Variants in KANSL1L observed in about 807,000 individuals in gnomAD.
KANSL1L encodes KAT8 regulatory NSL complex subunit 1 like.
In KANSL1L, 25 loss-of-function variants were observed where a neutral mutation model predicts 108.6. That is an observed-to-expected ratio of 0.23 (90% CI 0.17 to 0.32). The LOEUF (loss-of-function observed/expected upper bound fraction) is 0.32, where lower values mean the gene tolerates loss of function less well. Ranked by LOEUF, KANSL1L falls within the 10% of genes least tolerant of loss-of-function variation. The pLI is 1.00. For missense variants in KANSL1L, 1,137 were observed against 1,125.7 expected (o/e 1.01, Z -0.14); for synonymous variants, 405 against 395.1 (o/e 1.03, Z -0.30).
intron 6 of KANSL1L, chr2:210,064,423 C>G (rs966266104): frequency 6.6e-6 from 1 of 152,000 alleles, no homozygotes; most frequent in South Asian, 2.1e-4. Context: ...TTTTATTAAT[C>G]CTGTCTAGCA....
intron 1 of KANSL1L, among the ~76,000 whole-genome samples, chr2:210,168,905 C>A (rs1688156089): frequency 6.6e-6 from 1 of 152,118 alleles, no homozygotes; most frequent in Non-Finnish European, 1.5e-5. Flanking sequence ...ACTAAGTGAT[C>A]TGCAGCATGT....
chr2:210,094,088 TAG>T (rs1429704365), intron 5 of KANSL1L, among the ~76,000 whole-genome samples: 1 of 152,084 alleles, frequency 6.6e-6, no homozygotes, highest in African/African-American at 2.4e-5. Flanking sequence ...TTAGTGGATA[TAG>T]AGTTTCAGTT....
At chr2:210,155,705 G>T (rs1242867294) in intron 1 of KANSL1L, among the ~76,000 whole-genome samples, 2 of 152,080 alleles carry the variant, frequency 1.3e-5, no homozygotes, top group Admixed American at 6.5e-5. Context: ...AGGCAACCCA[G>T]TACCCTTAAA....
chr2:210,108,550 G>A (rs149211187), intron 3 of KANSL1L, among the ~76,000 whole-genome samples: 280 of 152,224 alleles, frequency 1.8e-3, no homozygotes, highest in Non-Finnish European at 3.0e-3. Context: ...CAATGTAACT[G>A]CAAACCCACT....
chr2:210,145,410 C>T (rs1003032322), intron 2 of KANSL1L, among the ~76,000 whole-genome samples: 25 of 152,174 alleles, frequency 1.6e-4, no homozygotes, highest in Admixed American at 6.5e-4. Context: ...CAGGTTCCAC[C>T]ATTCCCATGT....
At chr2:210,034,801 G>C (rs984928549) in intron 8 of KANSL1L, among the ~76,000 whole-genome samples, 1 of 152,186 alleles carries the variant, frequency 6.6e-6, no homozygotes, top group East Asian at 1.9e-4. Flanking sequence ...TGGCTTGCTT[G>C]TGTGGGTTAT....
At chr2:210,088,177 A>G (rs1047665099) in intron 5 of KANSL1L, 10 of 152,198 alleles carry the variant, frequency 6.6e-5, no homozygotes, top group African/African-American at 1.9e-4. Context: ...CATGGTGGTG[A>G]ACCTGAGTTA....
chr2:210,170,250 G>C, intron 1 of KANSL1L: 2 of 490,696 alleles, frequency 4.1e-6, no homozygotes, highest in Non-Finnish European at 5.3e-6. Flanking sequence ...AAGCAAACTG[G>C]CTAAAGACGA....
chr2:210,041,070 A>G (rs570620776), intron 7 of KANSL1L, among the ~76,000 whole-genome samples: 9 of 152,332 alleles, frequency 5.9e-5, no homozygotes, highest in African/African-American at 1.9e-4. Flanking sequence ...ACCATATTAT[A>G]TATCACAATG....
In KANSL1L at chr2:210,040,543, A is replaced by T. The variant is rs765622911; in HGVS notation, c.1922-16T>A. On this transcript the variant is annotated splice_polypyrimidine_tract_variant and intron_variant, in intron 7 of 14. Transcript: ENST00000281772. ...AGAGGCACATCTGGAAAAATAAAAT[A>T]AAAAAGGTATTTTCAAATACCACTC... 1 of 1,248,698 alleles carries T rather than the reference A, an allele frequency of 8.0e-7. No individual in the cohort carries two copies. The highest frequency in any genetic ancestry group is 1.1e-6 in the Non-Finnish European group (1 of 889,306). 77.4% of individuals were successfully genotyped at this position (1,248,698 alleles called of 1,614,324 possible). A position where few individuals can be genotyped will look rare whatever the true frequency, so the allele number is the denominator to read the frequency against.
intron 5 of KANSL1L, among the ~76,000 whole-genome samples, chr2:210,093,398 G>A (rs1489163217): frequency 1.3e-5 from 2 of 152,028 alleles, no homozygotes; most frequent in African/African-American, 2.4e-5. Flanking sequence ...TGCCCATCTC[G>A]GCCTCCCAAA....
Position 210,022,150 on chromosome 2 carries a change from A to C in KANSL1L, c.*799T>G, listed in dbSNP as rs569663566. The C allele has an allele frequency of 6.6e-6, 1 of 152,120 alleles. No homozygotes were observed. The highest frequency in any genetic ancestry group is 1.5e-5 in the Non-Finnish European group (1 of 67,946). 9.4% of individuals were successfully genotyped at this position (152,120 alleles called of 1,614,324 possible). ...TGTGATAGTATTAAAGTGCACCAATATTTGACTCAAATTTGCTTGCTTTAT... is the reference window on the plus strand; with the variant it reads ...TGTGATAGTATTAAAGTGCACCAATCTTTGACTCAAATTTGCTTGCTTTAT... On this transcript the variant is annotated 3_prime_UTR_variant, in exon 15 of 15. Coordinates refer to ENST00000281772, the MANE Select transcript of KANSL1L (RefSeq NM_152519.4).
intron 5 of KANSL1L, among the ~76,000 whole-genome samples, chr2:210,086,469 A>T (rs2094638082): frequency 6.6e-6 from 1 of 150,430 alleles, no homozygotes; most frequent in Non-Finnish European, 1.5e-5. Context: ...ATCTGAGACC[A>T]TACTGCCAAG....
intron 3 of KANSL1L, among the ~76,000 whole-genome samples, chr2:210,118,780 G>A (rs1460292791): frequency 6.6e-6 from 1 of 151,654 alleles, no homozygotes; most frequent in Non-Finnish European, 1.5e-5. Context: ...GGAGGTTGAG[G>A]CTGCAGTGAG....
At chr2:210,105,104 C>A (rs2094833234) in intron 3 of KANSL1L, among the ~76,000 whole-genome samples, 1 of 151,950 alleles carries the variant, frequency 6.6e-6, no homozygotes, top group Non-Finnish European at 1.5e-5. Flanking sequence ...ACTTTAGGTT[C>A]CTCAGAGGCA....
intron 5 of KANSL1L, among the ~76,000 whole-genome samples, chr2:210,081,063 T>G (rs1446913411): frequency 6.6e-6 from 1 of 151,562 alleles, no homozygotes; most frequent in Non-Finnish European, 1.5e-5. Context: ...GCCAAGACTG[T>G]GCCACTGCAC....
chr2:210,052,125 T>A (rs2094300049), intron 6 of KANSL1L, among the ~76,000 whole-genome samples: 1 of 150,946 alleles, frequency 6.6e-6, no homozygotes, highest in South Asian at 2.1e-4. Context: ...CACCTTATCC[T>A]CTAGAGTAGC....
chr2:210,108,863 C>A lies in KANSL1L; in HGVS notation c.1231-4562G>T, dbSNP rs183721444. On this transcript the variant is annotated intron_variant, in intron 3 of 14. Transcript: ENST00000281772. ...CCTTCTTCCTACCTTCCTATAGACA[C>A]CACCACTAATTGCTACCAAGTATTA... Among the ~76,000 whole-genome samples the A allele has an allele frequency of 8.9e-4, 135 of 152,252 alleles. 1 individual carries two copies. The highest frequency in any genetic ancestry group is 8.8e-5 in the Non-Finnish European group (6 of 68,002).
chr2:210,111,922 C>T (rs912318337), intron 3 of KANSL1L, among the ~76,000 whole-genome samples: 1 of 144,834 alleles, frequency 6.9e-6, no homozygotes, highest in Non-Finnish European at 1.5e-5. Flanking sequence ...TGTGATGTTC[C>T]CCTTCCTGTG....
Sources: gnomAD v4.1 joint callset for allele counts (sites outside exome capture counted in the v4.1 genomes callset) on GRCh38, gnomAD v4.1.1 for gene constraint, MANE v1.5 for transcripts, NCBI Gene and HGNC (gene_info 2026-07-23, HGNC 2026-07-21) for gene names.